The following RHOT1 variants were observed in gnomAD, a reference collection of about 807,000 sequenced individuals.
RHOT1 encodes the protein mitochondrial Rho GTPase 1.
In RHOT1, 27 loss-of-function variants were observed where a neutral mutation model predicts 95.3. The observed-to-expected ratio is 0.28, with a 90% confidence interval of 0.21 to 0.39. The LOEUF (loss-of-function observed/expected upper bound fraction) is 0.39. RHOT1 is among the 10% of genes least tolerant of loss of function. The pLI is 1.00. For synonymous variants in RHOT1, 227 were observed against 263.5 expected (o/e 0.86, Z 1.34); for missense variants, 578 against 786.7 (o/e 0.73, Z 3.17).
chr17:32,148,379 G>A (rs2031704152), intron 1 of RHOT1, among the ~76,000 whole-genome samples: 1 of 152,240 alleles, frequency 6.6e-6, no homozygotes, highest in South Asian at 2.1e-4. Flanking sequence ...CCTGGCCATA[G>A]AGTCCATTCT....
chr17:32,169,796 A>G lies in RHOT1; in HGVS notation c.38-1247A>G, dbSNP rs544629429. ...TGAGGCAGGTGGATTGCTTGAGTCA[A>G]GGAGTTTGAGACCATCCTGGGCGAC... On this transcript the variant is annotated intron_variant, in intron 1 of 19. Coordinates refer to ENST00000545287, the MANE Select transcript of RHOT1 (RefSeq NM_001033566.3). 2.3e-4 allele frequency among the ~76,000 whole-genome samples: 35 copies of G among 152,176 alleles called. No individual in the cohort carries two copies. In the South Asian group the frequency reaches 7.3e-3, roughly 32 times the overall value.
At position 32,162,586 on chromosome 17, in the gene RHOT1, C is replaced by T. The variant is rs183536304; in HGVS notation, c.38-8457C>T. On this transcript the variant is annotated intron_variant, in intron 1 of 19. Coordinates refer to ENST00000545287, the MANE Select transcript of RHOT1 (RefSeq NM_001033566.3). Reference sequence around the variant, plus strand: ...GGACCAGTTTCGTTAGTGGTGATGTCGAAAATAACAGCAGTACCACTGTGC... The same window carrying T: ...GGACCAGTTTCGTTAGTGGTGATGTTGAAAATAACAGCAGTACCACTGTGC... 5.6e-4 allele frequency among the ~76,000 whole-genome samples: 85 copies of T among 152,186 alleles called. No homozygotes were observed. In the East Asian group the frequency reaches 0.012, roughly 22 times the overall value.
intron 13 of RHOT1, 51 bp from the exon 14 acceptor site, chr17:32,200,905 A>G: frequency 1.5e-6 from 2 of 1,377,312 alleles, no homozygotes; most frequent in Non-Finnish European, 2.1e-6. Context: ...TTTTTTCCCC[A>G]TAAATATTCG....
chr17:32,214,652 C>T (rs1283342725), intron 19 of RHOT1, among the ~76,000 whole-genome samples: 1 of 152,144 alleles, frequency 6.6e-6, no homozygotes, highest in Non-Finnish European at 1.5e-5. Flanking sequence ...TGTTACTTCT[C>T]AGGTTTTGGC....
At position 32,224,756 on chromosome 17, in the gene RHOT1, A is replaced by G; in HGVS notation, c.*23A>G. On this transcript the variant is annotated 3_prime_UTR_variant, in exon 20 of 20. Coordinates refer to ENST00000545287, the MANE Select transcript of RHOT1 (RefSeq NM_001033566.3). ...TGATATAAAAAGAAATACTGTCCCTACCAAAAACAAATACTTTTATGTACA... is the reference window on the plus strand; with the variant it reads ...TGATATAAAAAGAAATACTGTCCCTGCCAAAAACAAATACTTTTATGTACA... 3 of 1,408,964 alleles carry G rather than the reference A, an allele frequency of 2.1e-6. No homozygotes were observed. Among genetic ancestry groups the G allele is most frequent in the Non-Finnish European group, 3.0e-6 (3 of 1,000,776 alleles). The allele number at this position is 1,408,964 out of a possible 1,614,324, so 87.3% of individuals were successfully genotyped here.
chr17:32,142,953 T>G (rs2142320077), intron 1 of RHOT1: 36 of 702,932 alleles, frequency 5.1e-5, no homozygotes, highest in East Asian at 8.3e-5. Context: ...ACCTGGGCCC[T>G]CCAGAGATCT....
At chr17:32,166,944 CAGA>C (rs2034138291) in intron 1 of RHOT1, among the ~76,000 whole-genome samples, 2 of 152,204 alleles carry the variant, frequency 1.3e-5, no homozygotes, top group South Asian at 4.1e-4. Flanking sequence ...GAATTATTTC[CAGA>C]AGGTTTTTAG....
At chr17:32,215,675 T>C (rs1298189640) in intron 19 of RHOT1, among the ~76,000 whole-genome samples, 1 of 152,152 alleles carries the variant, frequency 6.6e-6, no homozygotes, top group South Asian at 2.1e-4. Context: ...GAGAAAAAAA[T>C]TGTCTTTTTT....
intron 10 of RHOT1, 116 bp downstream of exon 10, chr17:32,193,360 T>C (rs2036638104): frequency 5.7e-6 from 4 of 698,434 alleles, no homozygotes; most frequent in Non-Finnish European, 1.0e-5. Flanking sequence ...TTTACTAGTA[T>C]GCCTAAAGTC....
At chr17:32,217,220 G>A (rs7216187) in intron 19 of RHOT1, among the ~76,000 whole-genome samples, 3 of 151,994 alleles carry the variant, frequency 2.0e-5, no homozygotes, top group Non-Finnish European at 2.9e-5. Flanking sequence ...CACCTGTGTC[G>A]TTTCCCAAAG....
At chr17:32,178,438 T>A (rs7221734) in intron 6 of RHOT1, among the ~76,000 whole-genome samples, 2 of 152,096 alleles carry the variant, frequency 1.3e-5, no homozygotes. Context: ...GTGATCTGCC[T>A]GCCGTGGCCT....
intron 6 of RHOT1, among the ~76,000 whole-genome samples, chr17:32,180,989 G>T (rs929546373): frequency 6.6e-5 from 10 of 152,178 alleles, no homozygotes; most frequent in Non-Finnish European, 5.9e-5. Context: ...CACACCTTTG[G>T]TTACAAACCA....
intron 1 of RHOT1, among the ~76,000 whole-genome samples, chr17:32,148,330 G>A (rs1041682369): frequency 6.6e-6 from 1 of 152,218 alleles, no homozygotes; most frequent in African/African-American, 2.4e-5. Flanking sequence ...AAGAAGTTAA[G>A]CTGTCTTTAA....
chr17:32,147,169 C>A (rs113532608), intron 1 of RHOT1, among the ~76,000 whole-genome samples: 3 of 151,816 alleles, frequency 2.0e-5, no homozygotes, highest in African/African-American at 7.3e-5. Context: ...CTCAGCCTCC[C>A]AAGTAACTGG....
At chr17:32,206,538 G>A (rs1178114096) in intron 16 of RHOT1, among the ~76,000 whole-genome samples, 14 of 132,308 alleles carry the variant, frequency 1.1e-4, no homozygotes, top group African/African-American at 3.2e-4. Context: ...TGCGAGCTCC[G>A]CCTCCCGGGT....
chr17:32,220,989 T>C (rs746985241), intron 19 of RHOT1: 25 of 769,374 alleles, frequency 3.2e-5, no homozygotes, highest in East Asian at 1.3e-4. Flanking sequence ...CTATAAGTTA[T>C]TCTAAGATGA....
chr17:32,192,332 C>CTTTT (rs397857197), intron 9 of RHOT1, 33 bp downstream of exon 9: 485 of 543,082 alleles, frequency 8.9e-4, no homozygotes, highest in Middle Eastern at 1.9e-3. Flanking sequence ...ATTTGCGTAT[C>CTTTT]TTTTTTTTTT....
chr17:32,190,701 G>A (rs1567699222), intron 8 of RHOT1, among the ~76,000 whole-genome samples: 1 of 152,086 alleles, frequency 6.6e-6, no homozygotes, highest in African/African-American at 2.4e-5. Flanking sequence ...ATTTATAGAA[G>A]CATTATCTTA....
intron 19 of RHOT1, among the ~76,000 whole-genome samples, chr17:32,216,281 C>G (rs12450986): frequency 6.6e-6 from 1 of 152,066 alleles, no homozygotes; most frequent in African/African-American, 2.4e-5. Flanking sequence ...TCCTTCCCAG[C>G]TAGGTTTTTG....
Sources: allele counts gnomAD v4.1 joint callset (sites outside exome capture counted in the v4.1 genomes callset), GRCh38; gene constraint gnomAD v4.1.1; transcripts MANE v1.5; gene names NCBI Gene and HGNC (gene_info 2026-07-23, HGNC 2026-07-21).